UHRF1: variants seen among roughly 807,000 people sequenced by gnomAD.
UHRF1 encodes the protein E3 ubiquitin-protein ligase UHRF1.
UHRF1 carries 9 observed loss-of-function variants against 96.5 expected under a neutral mutation model. That is an observed-to-expected ratio of 0.09 (90% CI 0.06 to 0.16). The LOEUF (loss-of-function observed/expected upper bound fraction) is 0.16. Among genes scored for constraint, UHRF1 ranks in the 10% least tolerant of loss-of-function variants. The pLI is 1.00. For synonymous variants in UHRF1, 455 were observed against 469.9 expected, an observed-to-expected ratio of 0.97 and a Z score of 0.41; for missense variants, 626 against 1,131.1, an observed-to-expected ratio of 0.55 and a Z score of 6.40.
At chr19:4,946,592 CTTTTTTTT>C (rs1344132468) in intron 10 of UHRF1, among the ~76,000 whole-genome samples, 1 of 133,926 alleles carries the variant, frequency 7.5e-6, no homozygotes. Flanking sequence ...TTTTTTTTTT[CTTTTTTTT>C]GAGACCGAGT....
intron 1 of UHRF1, among the ~76,000 whole-genome samples, chr19:4,909,965 T>C (rs2032190345): frequency 6.7e-6 from 1 of 149,172 alleles, no homozygotes; most frequent in Admixed American, 6.6e-5. Flanking sequence ...CGCGATTCAA[T>C]TGTCGCGCCC....
intron 16 of UHRF1, 139 bp from the exon 17 acceptor site, chr19:4,960,518 G>A (rs141934303): frequency 3.6e-5 from 45 of 1,243,118 alleles, no homozygotes; most frequent in East Asian, 3.6e-4. Flanking sequence ...CTGGTGATGG[G>A]CAGCAGGTGG....
In UHRF1 at chr19:4,961,773, T is replaced by G. The variant is rs1477047218; in HGVS notation, c.*970T>G. 1 of 133,492 alleles carries G rather than the reference T, an allele frequency of 7.5e-6. No individual in the cohort carries two copies. Among genetic ancestry groups the G allele is most frequent in the African/African-American group, 2.5e-5 (1 of 40,014 alleles). The allele number at this position is 133,492 out of a possible 1,614,324, so 8.3% of individuals were successfully genotyped here. A position where few individuals can be genotyped will look rare whatever the true frequency, so the allele number is the denominator to read the frequency against. On this transcript the variant is annotated 3_prime_UTR_variant, in exon 17 of 17. Transcript: ENST00000650932. ...AGCAAGTGAGAACTTACAAGAGGGT[T>G]TTTTTAAAATTTTTTTTTCTCTTAA... is the stretch of plus-strand genomic sequence containing the variant.
At chr19:4,909,676 G>A in intron 1 of UHRF1, 21 bp downstream of exon 1, 1 of 521,530 alleles carries the variant, frequency 1.9e-6, no homozygotes. Flanking sequence ...GGGCCGGGTC[G>A]GGGTGCCAGC....
chr19:4,908,669 C>T (rs759030311), upstream of UHRF1, among the ~76,000 whole-genome samples: 9 of 152,186 alleles, frequency 5.9e-5, 1 homozygote, highest in South Asian at 4.1e-4. Context: ...CCTCTCTCCC[C>T]GCCTCCCACC....
chr19:4,914,352 C>G (rs1304350975), intron 2 of UHRF1, among the ~76,000 whole-genome samples: 4 of 152,114 alleles, frequency 2.6e-5, no homozygotes, highest in Non-Finnish European at 2.9e-5. Flanking sequence ...CCGGTGGGCA[C>G]AAATGGGCAG....
At chr19:4,910,116 C>T (rs1025938703) in intron 1 of UHRF1, 7 of 151,982 alleles carry the variant, frequency 4.6e-5, no homozygotes, top group African/African-American at 1.2e-4. Flanking sequence ...CGGGGGCCCC[C>T]TCTGTAGTCC....
chr19:4,932,315 G>C (rs1196365934), intron 4 of UHRF1, among the ~76,000 whole-genome samples: 6 of 152,190 alleles, frequency 3.9e-5, no homozygotes, highest in Admixed American at 3.3e-4. Context: ...TGATCTTCCC[G>C]CTTCGGCCTC....
intron 2 of UHRF1, among the ~76,000 whole-genome samples, chr19:4,921,599 AC>A (rs2146309895): frequency 6.6e-6 from 1 of 152,262 alleles, no homozygotes; most frequent in South Asian, 2.1e-4. Flanking sequence ...TACAAAAAAT[AC>A]AAAAAACTTT....
chr19:4,934,928 G>A (rs2033172985), intron 5 of UHRF1, among the ~76,000 whole-genome samples: 2 of 152,078 alleles, frequency 1.3e-5, no homozygotes, highest in Non-Finnish European at 2.9e-5. Flanking sequence ...GATTTTCTGA[G>A]AAACTATCTG....
intron 2 of UHRF1, among the ~76,000 whole-genome samples, chr19:4,920,687 G>A (rs1274035523): frequency 6.6e-6 from 1 of 152,176 alleles, no homozygotes; most frequent in East Asian, 1.9e-4. Context: ...CCAAGCAGCT[G>A]GGACTACAGA....
intron 2 of UHRF1, among the ~76,000 whole-genome samples, chr19:4,915,982 G>A (rs1382777663): frequency 6.6e-6 from 1 of 152,140 alleles, no homozygotes; most frequent in Non-Finnish European, 1.5e-5. Flanking sequence ...AGGAGCCTGT[G>A]TCTGTGTGGA....
Position 4,954,383 on chromosome 19 carries a change from C to G in UHRF1, c.1852C>G (p.Arg618Gly). The change falls in exon 14 of 17, where the codon CGA (arginine) becomes GGA (glycine). Residue 618 changes from arginine (R) to glycine (G), a missense_variant. Around this residue, in one of 11 missense-constraint regions of UHRF1, gnomAD observed 90 missense variants for 94.7 expected, o/e 0.95. Transcript: ENST00000650932. The surrounding 1 kb of genome is among the most constrained non-coding windows in gnomAD (Gnocchi z 5.9). Reference sequence around the variant, plus strand: ...AGGCTACCTGGAAGCCCTGGCCAACCGAGAGCGAGAGAAGGAGAACAGCAA... The same window carrying G: ...AGGCTACCTGGAAGCCCTGGCCAACGGAGAGCGAGAGAAGGAGAACAGCAA... ...PEGYLEALAN[R>G]EREKENSKRE... 1.2e-6 allele frequency: 2 copies of G among 1,613,336 alleles called. No homozygotes were observed. The highest frequency in any genetic ancestry group is 1.7e-6 in the Non-Finnish European group (2 of 1,179,768).
chr19:4,910,358 G>GGGGGGGCCGGCAAGGAA (rs2146275854), intron 1 of UHRF1: 1 of 151,414 alleles, frequency 6.6e-6, no homozygotes, highest in Non-Finnish European at 1.5e-5. Flanking sequence ...CCGGCAAGGA[G>GGGGGGGCCGGCAAGGAA]GGGGGGCGTG....
At chr19:4,911,741 G>C (rs1395168322) in intron 2 of UHRF1, among the ~76,000 whole-genome samples, 1 of 152,184 alleles carries the variant, frequency 6.6e-6, no homozygotes, top group Non-Finnish European at 1.5e-5. Flanking sequence ...GGGGGTGGAG[G>C]TGCTACTTTG....
In UHRF1 at chr19:4,954,550, C is replaced by T. The variant is rs2033802570; in HGVS notation, c.1957+62C>T. Reference sequence around the variant, plus strand: ...TGTGGGGGAGCAGGTGGGCATCTCGCGGGTGTGGGGTTGAGGTCGTGTGGA... The same window carrying T: ...TGTGGGGGAGCAGGTGGGCATCTCGTGGGTGTGGGGTTGAGGTCGTGTGGA... On this transcript the variant is annotated intron_variant, in intron 14 of 16. Transcript: ENST00000650932. This position sits in a 1 kb window ranked among gnomAD's most constrained non-coding sequence, Gnocchi z 5.9. 12 of 1,582,896 alleles carry T rather than the reference C, an allele frequency of 7.6e-6. No individual in the cohort carries two copies. Among genetic ancestry groups the T allele is most frequent in the Non-Finnish European group, 8.6e-6 (10 of 1,162,038 alleles).
intron 5 of UHRF1, among the ~76,000 whole-genome samples, chr19:4,936,892 C>CACAG (rs2033232125): frequency 6.6e-6 from 1 of 151,594 alleles, no homozygotes; most frequent in Non-Finnish European, 1.5e-5. Context: ...TATTAATAAA[C>CACAG]TATACTGTGT....
chr19:4,950,605 C>A lies in UHRF1; in HGVS notation c.1518-6C>A. 2 of 1,611,012 alleles carry A rather than the reference C, an allele frequency of 1.2e-6. No homozygotes were observed. The highest frequency in any genetic ancestry group is 8.5e-7 in the Non-Finnish European group (1 of 1,179,422). On this transcript the variant is annotated splice_polypyrimidine_tract_variant and splice_region_variant and intron_variant, in intron 11 of 16. Transcript: ENST00000650932. ...ATAATGCGTGGGGTCCTGACTCTCC[C>A]TGCAGGGCGCTGGCTCTCAACTGCT...
intron 5 of UHRF1, among the ~76,000 whole-genome samples, chr19:4,933,514 C>T (rs570151735): frequency 3.0e-4 from 46 of 152,320 alleles, no homozygotes; most frequent in African/African-American, 1.1e-3. Context: ...CGTGCCTGGC[C>T]TCAAGCTTTC....
Sources: gnomAD v4.1 joint callset for allele counts (sites outside exome capture counted in the v4.1 genomes callset) on GRCh38, gnomAD v4.1.1 for gene constraint, gnomAD v4.1.1 regional missense constraint, Gnocchi (gnomAD v3.1) non-coding constraint, MANE v1.5 for transcripts, NCBI Gene and HGNC (gene_info 2026-07-23, HGNC 2026-07-21) for gene names.